FGD4: variants seen among roughly 807,000 people sequenced by gnomAD.
FGD4 encodes FYVE, RhoGEF and PH domain-containing protein 4.
In FGD4, 42 loss-of-function variants were observed where a neutral mutation model predicts 102.0. The observed-to-expected ratio is 0.41, with a 90% CI of 0.32 to 0.53. The LOEUF (loss-of-function observed/expected upper bound fraction) is 0.53, where lower values mean the gene tolerates loss of function less well. FGD4 is among the 20% of genes least tolerant of loss of function. FGD4 has a pLI of 0.21. For missense variants in FGD4, 902 were observed against 1,078.2 expected (o/e 0.84, Z 2.29); for synonymous variants, 380 against 375.7 (o/e 1.01, Z -0.13).
At chr12:32,408,325 T>C (rs1430611011) in intron 1 of FGD4, among the ~76,000 whole-genome samples, 1 of 152,036 alleles carries the variant, frequency 6.6e-6, no homozygotes, top group East Asian at 1.9e-4. Context: ...TGTGCCACCA[T>C]ACCTGGCTAA....
intron 1 of FGD4, among the ~76,000 whole-genome samples, chr12:32,552,298 C>T (rs138679889): frequency 0.014 from 2,057 of 152,254 alleles, 49 homozygotes; most frequent in African/African-American, 0.047. Flanking sequence ...CTCACACTGT[C>T]GCCCAGGCTG....
chr12:32,432,051 A>AT (rs60933809), intron 1 of FGD4, among the ~76,000 whole-genome samples: 8,020 of 107,382 alleles, frequency 0.075, 733 homozygotes, highest in Non-Finnish European at 0.09. Flanking sequence ...TAATCCTAGC[A>AT]TTTTTTTTTT....
At chr12:32,453,209 T>G (rs1942841267) in intron 1 of FGD4, among the ~76,000 whole-genome samples, 2 of 48,862 alleles carry the variant, frequency 4.1e-5, no homozygotes, top group Admixed American at 3.0e-4. Context: ...ATTATATATA[T>G]ATATATATAT....
chr12:32,405,079 G>T (rs1281337476), intron 1 of FGD4, among the ~76,000 whole-genome samples: 1 of 147,236 alleles, frequency 6.8e-6, no homozygotes, highest in African/African-American at 2.5e-5. Context: ...GACTACAATC[G>T]CCTGCCACCA....
chr12:32,453,228 TA>T (rs1942854026), intron 1 of FGD4, among the ~76,000 whole-genome samples: 1 of 51,870 alleles, frequency 1.9e-5, no homozygotes. Context: ...ATAATATAGA[TA>T]TATATATATT....
Position 32,645,590 on chromosome 12 carries a change from C to T in FGD4, c.*5057C>T, listed in dbSNP as rs903572172. ...TTCGAGACCAGCCTGGCCAACATGGCAAAACCCTGTCTCTACAAAAATTAG... is the reference window on the plus strand; with the variant it reads ...TTCGAGACCAGCCTGGCCAACATGGTAAAACCCTGTCTCTACAAAAATTAG... On this transcript the variant is annotated 3_prime_UTR_variant, in exon 17 of 17. Transcript: ENST00000534526. 6.6e-6 allele frequency: 1 copy of T among 152,256 alleles called. No homozygotes were observed. Among genetic ancestry groups the T allele is most frequent in the Non-Finnish European group, 1.5e-5 (1 of 68,064 alleles). 9.4% of individuals were successfully genotyped at this position (152,256 alleles called of 1,614,324 possible).
At chr12:32,516,381 C>G (rs1173373540) in intron 1 of FGD4, among the ~76,000 whole-genome samples, 1 of 152,030 alleles carries the variant, frequency 6.6e-6, no homozygotes. Flanking sequence ...CAGGCCCAAG[C>G]GATTCTCTTA....
chr12:32,504,811 C>T (rs1938548030), intron 1 of FGD4, among the ~76,000 whole-genome samples: 1 of 152,242 alleles, frequency 6.6e-6, no homozygotes, highest in Admixed American at 6.5e-5. Flanking sequence ...ATTAGTTCAG[C>T]ATACGCAGTC....
At chr12:32,534,183 C>A in intron 1 of FGD4, 2 of 657,002 alleles carry the variant, frequency 3.0e-6, no homozygotes, top group Non-Finnish European at 4.1e-6. Flanking sequence ...GTTTACTTTA[C>A]TTTGATAAAT....
chr12:32,519,119 G>GAAA (rs751377618), intron 1 of FGD4, among the ~76,000 whole-genome samples: 31 of 73,386 alleles, frequency 4.2e-4, no homozygotes, highest in African/African-American at 1.3e-3. Flanking sequence ...TCCGTCTCAG[G>GAAA]AAAAAAAAAA....
intron 1 of FGD4, among the ~76,000 whole-genome samples, chr12:32,516,769 G>T (rs1939940655): frequency 6.6e-6 from 1 of 152,164 alleles, no homozygotes; most frequent in Admixed American, 6.5e-5. Context: ...GTTTGTAAAT[G>T]ATAAGAATAA....
intron 16 of FGD4, 47 bp downstream of exon 16, chr12:32,638,842 A>G (rs201618098): frequency 1.9e-6 from 3 of 1,612,876 alleles, no homozygotes; most frequent in East Asian, 4.5e-5. Context: ...CTTGGGGGCA[A>G]GGGGAAGCGA....
intron 1 of FGD4, among the ~76,000 whole-genome samples, chr12:32,414,027 A>AATGG (rs1224538603): frequency 6.8e-6 from 1 of 147,904 alleles, no homozygotes; most frequent in Admixed American, 6.8e-5. Context: ...GCTGGAGTGC[A>AATGG]ATGGCATGAT....
At chr12:32,634,522 C>T (rs779008195) in intron 15 of FGD4, among the ~76,000 whole-genome samples, 3 of 151,866 alleles carry the variant, frequency 2.0e-5, no homozygotes, top group Admixed American at 1.3e-4. Flanking sequence ...AGAACTATAA[C>T]GCAGCTTATC....
At chr12:32,568,528 T>C (rs1945375841) in intron 2 of FGD4, among the ~76,000 whole-genome samples, 1 of 152,226 alleles carries the variant, frequency 6.6e-6, no homozygotes, top group Non-Finnish European at 1.5e-5. Flanking sequence ...TAATTAAAGT[T>C]AATAGTTCTT....
chr12:32,616,791 T>TTAA, intron 10 of FGD4, among the ~76,000 whole-genome samples: 1 of 152,210 alleles, frequency 6.6e-6, no homozygotes, highest in Non-Finnish European at 1.5e-5. Flanking sequence ...GTTTTTTATG[T>TTAA]TAATGTAGGA....
intron 14 of FGD4, among the ~76,000 whole-genome samples, chr12:32,631,406 T>C (rs1430692269): frequency 1.3e-5 from 2 of 152,198 alleles, no homozygotes; most frequent in Admixed American, 6.6e-5. Flanking sequence ...ACAATTCATA[T>C]TGATAGTTGT....
intron 11 of FGD4, 36 bp downstream of exon 11, chr12:32,619,906 A>G (rs1949698466): frequency 1.9e-6 from 3 of 1,609,846 alleles, no homozygotes; most frequent in African/African-American, 2.7e-5. Flanking sequence ...GCTTTCCAAA[A>G]TCAGGCAACA....
intron 2 of FGD4, among the ~76,000 whole-genome samples, chr12:32,570,785 A>G (rs758184074): frequency 3.3e-4 from 50 of 152,258 alleles, no homozygotes; most frequent in Admixed American, 8.5e-4. Context: ...AATACAAAAT[A>G]ATACAAAATA....
Sources: gnomAD v4.1 joint callset for allele counts (sites outside exome capture counted in the v4.1 genomes callset) on GRCh38, gnomAD v4.1.1 for gene constraint, MANE v1.5 for transcripts, NCBI Gene and HGNC (gene_info 2026-07-23, HGNC 2026-07-21) for gene names.